The following SERPINB7 variants were observed in gnomAD, a reference collection of about 807,000 sequenced individuals.
The protein encoded by SERPINB7 is serpin family B member 7.
In SERPINB7, 31 loss-of-function variants were observed where a neutral mutation model predicts 37.4. The observed-to-expected ratio is 0.83, with a 90% confidence interval of 0.62 to 1.12. The LOEUF is 1.12. Among genes scored for constraint, SERPINB7 ranks in the 50% most tolerant of loss-of-function variants. The pLI is 0.00. For missense variants in SERPINB7, 521 were observed against 455.3 expected (o/e 1.14, Z -1.31); for synonymous variants, 163 against 166.1 (o/e 0.98, Z 0.14).
At position 63,798,589 on chromosome 18, in the gene SERPINB7, T is replaced by C; in HGVS notation, c.455-15T>C. On this transcript the variant is annotated splice_polypyrimidine_tract_variant and intron_variant, in intron 5 of 7. Coordinates refer to ENST00000398019, the MANE Select transcript of SERPINB7 (RefSeq NM_003784.4). Reference sequence around the variant, plus strand: ...ATTAAAATAAACATTTTTCCCTCAATTTTTTTTTCAAAAGGCAAAATCAAG... The same window carrying C: ...ATTAAAATAAACATTTTTCCCTCAACTTTTTTTTCAAAAGGCAAAATCAAG... 7.0e-7 allele frequency: 1 copy of C among 1,432,940 alleles called. No individual in the cohort carries two copies. The highest frequency in any genetic ancestry group is 9.1e-7 in the Non-Finnish European group (1 of 1,098,856). The allele number at this position is 1,432,940 out of a possible 1,614,324, so 88.8% of individuals were successfully genotyped here.
At position 63,796,546 on chromosome 18, in the gene SERPINB7, G is replaced by A. The variant is rs561167065; in HGVS notation, c.454+163G>A. 3.9e-5 allele frequency among the ~76,000 whole-genome samples: 6 copies of A among 152,264 alleles called. No individual in the cohort carries two copies. In the South Asian group the frequency reaches 1.0e-3, roughly 26 times the overall value. The stretch of plus-strand genomic sequence containing the variant: ...TGCTTTAGTATTTGTCTGCAATGTG[G>A]TTTGGAATAATCTTAATAATTTGAA... On this transcript the variant is annotated intron_variant, in intron 5 of 7. Transcript: ENST00000398019.
At chr18:63,790,777 T>C (rs1184062457) in intron 2 of SERPINB7, among the ~76,000 whole-genome samples, 2 of 152,126 alleles carry the variant, frequency 1.3e-5, no homozygotes, top group Admixed American at 1.3e-4. Flanking sequence ...GACCCAGCCA[T>C]CCCATTACTG....
Position 63,804,736 on chromosome 18 carries a change from A to G in SERPINB7, c.*101A>G. The G allele has an allele frequency of 8.0e-7, 1 of 1,250,404 alleles. No homozygotes were observed. The highest frequency in any genetic ancestry group is 1.1e-6 in the Non-Finnish European group (1 of 906,908). 77.5% of individuals were successfully genotyped at this position (1,250,404 alleles called of 1,614,324 possible). A position where few individuals can be genotyped will look rare whatever the true frequency, so the allele number is the denominator to read the frequency against. On this transcript the variant is annotated 3_prime_UTR_variant, in exon 8 of 8. Transcript: ENST00000398019. ...TTGGAAAAATGTGGTGTTTCCTTTGAGTTTATTTCTTCCTAACATTGGTCA... is the reference window on the plus strand; with the variant it reads ...TTGGAAAAATGTGGTGTTTCCTTTGGGTTTATTTCTTCCTAACATTGGTCA...
chr18:63,787,243 T>C (rs1298057091), intron 2 of SERPINB7, among the ~76,000 whole-genome samples: 2 of 152,190 alleles, frequency 1.3e-5, no homozygotes. Flanking sequence ...ATGCTCCACC[T>C]GTAGCATCAT....
chr18:63,778,282 A>C (rs942744438), intron 1 of SERPINB7: 4 of 152,166 alleles, frequency 2.6e-5, no homozygotes, highest in African/African-American at 4.8e-5. Context: ...TCAAAATTTG[A>C]AACTATGTTT....
At chr18:63,794,110 A>ATTTTTTTTTTTTTTTTTT (rs34450022) in intron 4 of SERPINB7, among the ~76,000 whole-genome samples, 23 of 105,572 alleles carry the variant, frequency 2.2e-4, no homozygotes, top group African/African-American at 2.7e-4. Context: ...CATCCTGCTA[A>ATTTTTTTTTTTTTTTTTT]TTTTTTTTTT....
At position 63,801,046 on chromosome 18, in the gene SERPINB7, A is replaced by C. The variant is rs995541388; in HGVS notation, c.744+34A>C. The stretch of plus-strand genomic sequence containing the variant: ...CGACTGTCATTTTCACTATTGGGAA[A>C]TAAGACTTTTAGGATACTGTTGATT... On this transcript the variant is annotated intron_variant, in intron 7 of 7. Coordinates refer to ENST00000398019, the MANE Select transcript of SERPINB7 (RefSeq NM_003784.4). The C allele has an allele frequency of 9.3e-6, 15 of 1,606,036 alleles. No homozygotes were observed. The Admixed American group carries it at 1.2e-4, about 13-fold the overall frequency.
In SERPINB7 at chr18:63,798,617, C is replaced by A. The variant is rs367921321; in HGVS notation, c.468C>A (p.Asn156Lys). ...TTTTTTCAAAAGGCAAAATCAAGAACGTGATTGGTGAAGGTGGCATAAGCT... is the reference window on the plus strand; with the variant it reads ...TTTTTTCAAAAGGCAAAATCAAGAAAGTGATTGGTGAAGGTGGCATAAGCT... ...VENETHGKIK[N>K]VIGEGGISSS... The change falls in exon 6 of 8, where the codon AAC becomes AAA. Residue 156 changes from asparagine to lysine, a missense_variant. Physicochemically the swap from Asn to Lys is moderately conservative, Grantham distance 94. Transcript: ENST00000398019. The A allele has an allele frequency of 1.4e-5, 21 of 1,553,792 alleles. No homozygotes were observed. The highest frequency in any genetic ancestry group is 1.6e-5 in the Non-Finnish European group (19 of 1,151,794).
At chr18:63,786,431 G>T (rs2049374026) in intron 2 of SERPINB7, among the ~76,000 whole-genome samples, 1 of 151,276 alleles carries the variant, frequency 6.6e-6, no homozygotes, top group Admixed American at 6.6e-5. Context: ...AGTTATGTTT[G>T]GATTACAATA....
At chr18:63,756,222 AG>A (rs1385471020) in intron 1 of SERPINB7, among the ~76,000 whole-genome samples, 1 of 152,204 alleles carries the variant, frequency 6.6e-6, no homozygotes, top group African/African-American at 2.4e-5. Flanking sequence ...AACATGCCTT[AG>A]CAGACACAAA....
intron 1 of SERPINB7, among the ~76,000 whole-genome samples, chr18:63,764,009 A>G (rs1383544345): frequency 1.3e-5 from 2 of 152,206 alleles, no homozygotes; most frequent in African/African-American, 4.8e-5. Context: ...ATTGTATAGT[A>G]TTTCCCAAGT....
upstream of SERPINB7, among the ~76,000 whole-genome samples, chr18:63,772,032 C>A (rs773342773): frequency 1.3e-5 from 2 of 151,436 alleles, no homozygotes; most frequent in African/African-American, 2.4e-5. Flanking sequence ...AACTGCATGT[C>A]GGCAGGGACG....
intron 1 of SERPINB7, among the ~76,000 whole-genome samples, chr18:63,762,802 C>T (rs937154213): frequency 2.0e-5 from 3 of 152,182 alleles, no homozygotes; most frequent in Non-Finnish European, 2.9e-5. Flanking sequence ...TCATGAGAGT[C>T]AGCAATGCCT....
chr18:63,770,843 C>T (rs1432942121), upstream of SERPINB7, among the ~76,000 whole-genome samples: 4 of 150,030 alleles, frequency 2.7e-5, no homozygotes, highest in Admixed American at 6.7e-5. Context: ...CTTTTACAAC[C>T]TTACTTTATT....
intron 2 of SERPINB7, among the ~76,000 whole-genome samples, chr18:63,784,898 G>C (rs1436150128): frequency 2.6e-5 from 4 of 152,154 alleles, no homozygotes; most frequent in Non-Finnish European, 5.9e-5. Flanking sequence ...CAATCTTTCA[G>C]CTCCTGTCTG....
chr18:63,786,567 T>C (rs1427154689), intron 2 of SERPINB7, among the ~76,000 whole-genome samples: 1 of 152,056 alleles, frequency 6.6e-6, no homozygotes, highest in Non-Finnish European at 1.5e-5. Flanking sequence ...AATAGTTTCA[T>C]AATTTGGCAT....
At chr18:63,781,620 G>A (rs1252873339) in intron 1 of SERPINB7, among the ~76,000 whole-genome samples, 5 of 152,198 alleles carry the variant, frequency 3.3e-5, no homozygotes, top group Non-Finnish European at 7.3e-5. Context: ...CATGGTGGTA[G>A]CAACCGTCTG....
At position 63,793,159 on chromosome 18, in the gene SERPINB7, A is replaced by AGTCAGG; in HGVS notation, c.220_225dup. The AGTCAGG allele has an allele frequency of 1.3e-6, 2 of 1,489,412 alleles. No homozygotes were observed. The highest frequency in any genetic ancestry group is 1.8e-6 in the Non-Finnish European group (2 of 1,090,558). The allele number at this position is 1,489,412 out of a possible 1,614,324, so 92.3% of individuals were successfully genotyped here. A position where few individuals can be genotyped will look rare whatever the true frequency, so the allele number is the denominator to read the frequency against. ...AATTTTTATACATCTTTTTAATAAC[A>AGTCAGG]GTCAGGGCTCCAGTCTCAACTGAAA... On this transcript the variant is annotated splice_acceptor_variant, in intron 3 of 7. Transcript: ENST00000398019. LOFTEE classifies it high-confidence loss of function.
chr18:63,782,997 G>A (rs1720849), intron 2 of SERPINB7, among the ~76,000 whole-genome samples: 4 of 151,190 alleles, frequency 2.6e-5, no homozygotes, highest in Non-Finnish European at 4.4e-5. Flanking sequence ...AATTAGCCGG[G>A]CATGGTGGCG....
Sources: allele counts gnomAD v4.1 joint callset (sites outside exome capture counted in the v4.1 genomes callset), GRCh38; gene constraint gnomAD v4.1.1; transcripts MANE v1.5; gene names NCBI Gene and HGNC (gene_info 2026-07-23, HGNC 2026-07-21).